LTA4H: variants seen among roughly 807,000 people sequenced by gnomAD.
LTA4H encodes leukotriene A4 hydrolase, also known as leukotriene A-4 hydrolase.
A neutral mutation model predicts 89.8 loss-of-function variants in LTA4H; 59 were observed. That is an observed-to-expected ratio of 0.66 (90% CI 0.53 to 0.82). The LOEUF is 0.82. Among genes scored for constraint, LTA4H ranks in the 40% least tolerant of loss-of-function variants. LTA4H has a pLI of 0.00. For synonymous variants in LTA4H, 227 were observed against 253.1 expected (o/e 0.90, Z 0.98); for missense variants, 617 against 727.0 (o/e 0.85, Z 1.74).
At chr12:96,007,339 T>C (rs1042352278) in intron 15 of LTA4H, among the ~76,000 whole-genome samples, 7 of 152,120 alleles carry the variant, frequency 4.6e-5, no homozygotes, top group African/African-American at 1.7e-4. Flanking sequence ...CTAAACTATA[T>C]ATTAATTAAG....
At chr12:96,041,696 C>T (rs1239598240) in intron 1 of LTA4H, among the ~76,000 whole-genome samples, 2 of 152,092 alleles carry the variant, frequency 1.3e-5, no homozygotes, top group Non-Finnish European at 2.9e-5. Context: ...GGCCGGAGTG[C>T]AGTGGCACAA....
At chr12:96,009,370 A>T in intron 14 of LTA4H, 2 of 520,886 alleles carry the variant, frequency 3.8e-6, no homozygotes, top group Non-Finnish European at 6.8e-6. Context: ...ACACCCATCT[A>T]TCTTTTAGAA....
At chr12:96,023,286 G>T (rs1361919432) in intron 4 of LTA4H, among the ~76,000 whole-genome samples, 1 of 152,098 alleles carries the variant, frequency 6.6e-6, no homozygotes, top group Non-Finnish European at 1.5e-5. Context: ...GAAATAATTC[G>T]GTTCAGCCAC....
rs372265351 is a variant in LTA4H, at chr12:96,027,426, T to C, written c.411+18A>G. 12 of 1,559,454 alleles carry C rather than the reference T, an allele frequency of 7.7e-6. No homozygotes were observed. The highest frequency in any genetic ancestry group is 1.0e-5 in the Non-Finnish European group (12 of 1,159,198). ...CTGAAATTTTCTGCATCAGAAATCA[T>C]TCTGGAATCCTTTTTACCTGGCACT... On this transcript the variant is annotated intron_variant, in intron 3 of 18. Transcript: ENST00000228740.
chr12:96,016,922 TACCTA>T, intron 10 of LTA4H, 117 bp downstream of exon 10: 1 of 706,700 alleles, frequency 1.4e-6, no homozygotes, highest in Non-Finnish European at 2.5e-6. Context: ...AATCCTTGCC[TACCTA>T]AGAGATGATA....
chr12:96,019,288 T>A (rs751609530), intron 6 of LTA4H, 48 bp from the exon 7 acceptor site: 2 of 1,486,042 alleles, frequency 1.3e-6, no homozygotes, highest in South Asian at 2.4e-5. Flanking sequence ...GGCAAATGAT[T>A]CATCTGGTTC....
intron 14 of LTA4H, chr12:96,011,840 T>G (rs1950305487): frequency 6.6e-6 from 1 of 152,220 alleles, no homozygotes; most frequent in Non-Finnish European, 1.5e-5. Context: ...TTGTATGACT[T>G]CAGGTCCTCA....
At chr12:96,018,087 AT>A (rs201485339) in intron 8 of LTA4H, among the ~76,000 whole-genome samples, 31 of 150,000 alleles carry the variant, frequency 2.1e-4, no homozygotes, top group South Asian at 8.5e-4. Flanking sequence ...TGGTGTACTG[AT>A]TTTTTTTTTA....
chr12:96,032,033 T>C (rs1342932680), intron 1 of LTA4H, among the ~76,000 whole-genome samples: 1 of 152,266 alleles, frequency 6.6e-6, no homozygotes. Context: ...GAAAACAAGA[T>C]GGTTTGCAGT....
At chr12:96,014,492 C>T (rs902365972) in intron 12 of LTA4H, among the ~76,000 whole-genome samples, 1 of 151,994 alleles carries the variant, frequency 6.6e-6, no homozygotes, top group African/African-American at 2.4e-5. Flanking sequence ...TGATCTGGAG[C>T]CATTTACACC....
intron 1 of LTA4H, among the ~76,000 whole-genome samples, chr12:96,041,220 T>G (rs1412051202): frequency 6.6e-6 from 1 of 152,198 alleles, no homozygotes; most frequent in Non-Finnish European, 1.5e-5. Context: ...GAAATTATAT[T>G]AAAATGAAAG....
At chr12:96,015,097 C>G in intron 11 of LTA4H, 98 bp from the exon 12 acceptor site, 2 of 1,104,962 alleles carry the variant, frequency 1.8e-6, no homozygotes, top group Non-Finnish European at 2.6e-6. Context: ...AGTGGTGTAA[C>G]TTTAGGGGAA....
intron 1 of LTA4H, 44 bp from the exon 2 acceptor site, chr12:96,029,229 C>G: frequency 8.6e-7 from 1 of 1,165,272 alleles, no homozygotes; most frequent in Non-Finnish European, 1.2e-6. Context: ...GTTTCATTTA[C>G]CAGAAAAAAC....
intron 1 of LTA4H, among the ~76,000 whole-genome samples, chr12:96,030,281 G>A (rs983568738): frequency 3.3e-5 from 5 of 151,916 alleles, no homozygotes; most frequent in Admixed American, 6.6e-5. Context: ...TTCCAGCCCC[G>A]GTCCTTTGAT....
intron 11 of LTA4H, among the ~76,000 whole-genome samples, 156 bp downstream of exon 11, chr12:96,015,427 T>C (rs1950360871): frequency 6.6e-6 from 1 of 152,194 alleles, no homozygotes; most frequent in Non-Finnish European, 1.5e-5. Context: ...GTGAACAGTG[T>C]GGATCAACAC....
chr12:96,002,173 TA>T (rs1379280007), intron 18 of LTA4H, among the ~76,000 whole-genome samples: 6 of 152,234 alleles, frequency 3.9e-5, no homozygotes, highest in Admixed American at 6.5e-5. Context: ...TACTCTTATT[TA>T]AAAACCTATT....
At chr12:96,031,253 C>CT (rs1950568540) in intron 1 of LTA4H, among the ~76,000 whole-genome samples, 2 of 152,116 alleles carry the variant, frequency 1.3e-5, no homozygotes, top group Non-Finnish European at 2.9e-5. Flanking sequence ...GGTCTGTATT[C>CT]CCAGGGTTTA....
chr12:96,021,225 T>A, intron 5 of LTA4H, 88 bp from the exon 6 acceptor site: 1 of 987,426 alleles, frequency 1.0e-6, no homozygotes, highest in Non-Finnish European at 1.5e-6. Flanking sequence ...TAAAAGTAAG[T>A]AAATTCCCTT....
At chr12:96,038,398 A>AT (rs1193956778), upstream of LTA4H, among the ~76,000 whole-genome samples, 1 of 152,042 alleles carries the variant, frequency 6.6e-6, no homozygotes, top group Non-Finnish European at 1.5e-5. Flanking sequence ...GCATTTTCGG[A>AT]TTTTTTTGGC....
Sources: allele counts gnomAD v4.1 joint callset (sites outside exome capture counted in the v4.1 genomes callset), GRCh38; gene constraint gnomAD v4.1.1; transcripts MANE v1.5; gene names NCBI Gene and HGNC (gene_info 2026-07-23, HGNC 2026-07-21).